ATXN7: variants seen among roughly 807,000 people sequenced by gnomAD.
The protein encoded by ATXN7 is ataxin-7.
ATXN7 carries 12 observed loss-of-function variants against 70.5 expected under a neutral mutation model. The ratio of observed to expected loss-of-function variants is 0.17; its 90% CI spans 0.11 to 0.28. ATXN7 has a LOEUF of 0.28. Among genes scored for constraint, ATXN7 ranks in the 10% least tolerant of loss-of-function variants. The pLI is 1.00. For missense variants in ATXN7, 1,256 were observed against 1,131.7 expected (o/e 1.11, Z -1.58); for synonymous variants, 498 against 448.7 (o/e 1.11, Z -1.39).
At chr3:63,879,769 A>C (rs1702852824) in intron 1 of ATXN7, among the ~76,000 whole-genome samples, 1 of 152,070 alleles carries the variant, frequency 6.6e-6, no homozygotes, top group Non-Finnish European at 1.5e-5. Flanking sequence ...AAAGATTCTT[A>C]TTCCACCGAT....
At position 63,990,382 on chromosome 3, in the gene ATXN7, C is replaced by T. The variant is rs747386465; in HGVS notation, c.1560+8C>T. ...CATCCTCAGCCAGCATCTGTAAGTT[C>T]CACGTCCACCCCCGCGTTGACCCTC... On this transcript the variant is annotated splice_region_variant and intron_variant, in intron 10 of 12. Coordinates refer to ENST00000674280, the MANE Select transcript of ATXN7 (RefSeq NM_001377405.1). The T allele has an allele frequency of 8.1e-6, 13 of 1,613,960 alleles. No homozygotes were observed. The highest frequency in any genetic ancestry group is 4.4e-5 in the South Asian group (4 of 91,078).
In ATXN7 at chr3:63,863,947, CG is replaced by C. The variant is rs2107180253; in HGVS notation, c.-321del. The C allele has an allele frequency of 1.2e-5, 1 of 83,102 alleles. No individual in the cohort carries two copies. The highest frequency in any genetic ancestry group is 2.4e-5 in the Non-Finnish European group (1 of 42,410). 5.1% of individuals were successfully genotyped at this position (83,102 alleles called of 1,614,324 possible). On this transcript the variant is annotated 5_prime_UTR_variant, in exon 1 of 13. An upstream open reading frame in the 5' UTR gains an earlier in-frame stop. Transcript: ENST00000674280. ...CTGCTCCGACGCCTGAGCCGCGCCGCGCCGCGCCGCCGCCGCCGCCGCCGCC... is the reference window on the plus strand; with the variant it reads ...CTGCTCCGACGCCTGAGCCGCGCCGCCCGCGCCGCCGCCGCCGCCGCCGCC...
At chr3:63,959,135 A>T (rs746760805) in intron 5 of ATXN7, among the ~76,000 whole-genome samples, 1 of 152,202 alleles carries the variant, frequency 6.6e-6, no homozygotes, top group Admixed American at 6.5e-5. Context: ...TGCCTGTTCT[A>T]CTTTATTTAA....
chr3:63,913,498 T>G (rs1704142995), intron 4 of ATXN7, among the ~76,000 whole-genome samples: 1 of 152,204 alleles, frequency 6.6e-6, no homozygotes, highest in Non-Finnish European at 1.5e-5. Context: ...TTAACCTAGA[T>G]CTCTGCATTT....
At chr3:63,991,136 A>G (rs2106789273) in intron 11 of ATXN7, among the ~76,000 whole-genome samples, 1 of 152,270 alleles carries the variant, frequency 6.6e-6, no homozygotes, top group East Asian at 1.9e-4. Context: ...AAACTAGTCT[A>G]CAGAAGAATA....
intron 6 of ATXN7, 86 bp downstream of exon 6, chr3:63,980,253 A>T: frequency 6.6e-7 from 1 of 1,507,802 alleles, no homozygotes; most frequent in Admixed American, 1.9e-5. Flanking sequence ...GCCTGTGAGT[A>T]ATATAAAAGA....
intron 4 of ATXN7, among the ~76,000 whole-genome samples, chr3:63,930,617 C>T (rs997099439): frequency 2.0e-5 from 3 of 151,862 alleles, no homozygotes; most frequent in African/African-American, 7.3e-5. Flanking sequence ...CTGCAAGCTC[C>T]GCCTCCCGGG....
At chr3:63,950,676 C>T (rs1447673029) in intron 4 of ATXN7, among the ~76,000 whole-genome samples, 4 of 152,150 alleles carry the variant, frequency 2.6e-5, no homozygotes. Flanking sequence ...TGGAAAGTGA[C>T]TTATTACATG....
chr3:63,994,947 G>A (rs1164948757), intron 11 of ATXN7, among the ~76,000 whole-genome samples: 1 of 152,156 alleles, frequency 6.6e-6, no homozygotes, highest in African/African-American at 2.4e-5. Flanking sequence ...ATACTGTGGG[G>A]CTTTATTCCC....
At position 63,912,705 on chromosome 3, in the gene ATXN7, A is replaced by AGCAGCAGCAGCC. The variant is rs1704087474; in HGVS notation, c.110_121dup (p.Gln37_Pro40dup). ...GCCCGGCAGCAGCAGCAGCAGCAGC[A>AGCAGCAGCAGCC]GCAGCAGCAGCCGCCGCCTCCGCAG... On this transcript the variant is annotated inframe_insertion, in exon 3 of 13. Transcript: ENST00000674280. The AGCAGCAGCAGCC allele has an allele frequency of 8.4e-7, 1 of 1,194,426 alleles. No individual in the cohort carries two copies. The highest frequency in any genetic ancestry group is 1.0e-6 in the Non-Finnish European group (1 of 954,978). 74.0% of individuals were successfully genotyped at this position (1,194,426 alleles called of 1,614,324 possible). A position where few individuals can be genotyped will look rare whatever the true frequency, so the allele number is the denominator to read the frequency against.
At chr3:63,913,957 G>A (rs772548155) in intron 4 of ATXN7, among the ~76,000 whole-genome samples, 3 of 152,158 alleles carry the variant, frequency 2.0e-5, no homozygotes, top group Non-Finnish European at 4.4e-5. Context: ...TGAATAGTAA[G>A]CTTTTGTTGT....
intron 11 of ATXN7, 170 bp downstream of exon 11, chr3:63,991,029 A>G: frequency 1.1e-6 from 1 of 887,954 alleles, no homozygotes; most frequent in Non-Finnish European, 1.7e-6. Flanking sequence ...CCTTTACCCC[A>G]CAACTACATA....
intron 4 of ATXN7, among the ~76,000 whole-genome samples, chr3:63,941,828 T>A (rs2074774145): frequency 6.6e-6 from 1 of 152,182 alleles, no homozygotes; most frequent in Admixed American, 6.5e-5. Context: ...GGAAATAAAA[T>A]TCTACCTTTT....
rs574553348 is a variant in ATXN7, at chr3:63,872,743, C to T, written c.-111+8585C>T. Among the ~76,000 whole-genome samples the T allele has an allele frequency of 9.6e-4, 146 of 152,356 alleles. 4 individuals carry two copies. The South Asian group carries it at 0.028, about 30-fold the overall frequency. On this transcript the variant is annotated intron_variant, in intron 1 of 12. Transcript: ENST00000674280. Reference sequence around the variant, plus strand: ...TGCCAACCTGCTTTTGTTATAGTAACTAAACTCTGTTTGTTTGCCATGATT... The same window carrying T: ...TGCCAACCTGCTTTTGTTATAGTAATTAAACTCTGTTTGTTTGCCATGATT...
intron 5 of ATXN7, among the ~76,000 whole-genome samples, chr3:63,976,183 T>C (rs949547173): frequency 3.3e-5 from 5 of 152,334 alleles, no homozygotes; most frequent in African/African-American, 1.2e-4. Flanking sequence ...AAACACTTTT[T>C]TAGAGCTAGA....
chr3:63,996,844 G>A (rs2106808070), intron 12 of ATXN7, among the ~76,000 whole-genome samples: 1 of 152,306 alleles, frequency 6.6e-6, no homozygotes, highest in African/African-American at 2.4e-5. Context: ...TGTGAAGTGT[G>A]TGCCATTCGA....
intron 2 of ATXN7, chr3:63,901,278 TTATC>T (rs1279379175): frequency 3.3e-5 from 5 of 152,244 alleles, no homozygotes; most frequent in African/African-American, 1.2e-4. Context: ...GTGAGAACCT[TTATC>T]TAGTCTCTTT....
chr3:63,964,600 A>G (rs1330188683), intron 5 of ATXN7, among the ~76,000 whole-genome samples: 1 of 152,230 alleles, frequency 6.6e-6, no homozygotes, highest in African/African-American at 2.4e-5. Context: ...CTGGAGAGCC[A>G]TCGACCAAAA....
At position 63,917,256 on chromosome 3, in the gene ATXN7, A is replaced by T. The variant is rs911396832; in HGVS notation, c.394+4031A>T. On this transcript the variant is annotated intron_variant, in intron 4 of 12. Transcript: ENST00000674280. ...AATGATTAAACGTCAACCCTGGTTG[A>T]TGTTTTTGAAATGATTAAACGTTTT... is the stretch of plus-strand genomic sequence containing the variant. Among the ~76,000 whole-genome samples, 14 of 152,172 alleles carry T rather than the reference A, an allele frequency of 9.2e-5. 1 individual carries two copies. Among genetic ancestry groups the T allele is most frequent in the Admixed American group, 7.2e-4 (11 of 15,272 alleles).
Sources: allele counts gnomAD v4.1 joint callset (sites outside exome capture counted in the v4.1 genomes callset), GRCh38; gene constraint gnomAD v4.1.1; transcripts MANE v1.5; gene names NCBI Gene and HGNC (gene_info 2026-07-23, HGNC 2026-07-21).